Variants in PCDHGA3 observed in about 807,000 individuals in gnomAD.
PCDHGA3 encodes the protein protocadherin gamma subfamily A, 3.
Under a neutral mutation model 58.5 loss-of-function variants are expected in PCDHGA3, and 40 were observed. That is an observed-to-expected ratio of 0.68 (90% CI 0.53 to 0.89). PCDHGA3 has a LOEUF of 0.89. PCDHGA3 is among the 40% of genes least tolerant of loss of function. PCDHGA3 has a pLI of 0.00. For synonymous variants in PCDHGA3, 530 were observed against 525.7 expected (o/e 1.01, Z -0.11); for missense variants, 1,223 against 1,195.9 (o/e 1.02, Z -0.33).
intron 1 of PCDHGA3, chr5:141,423,314 T>C: frequency 6.2e-7 from 1 of 1,614,178 alleles, no homozygotes; most frequent in Non-Finnish European, 8.5e-7. Context: ...TACTTGGTGG[T>C]GGCGGTGGCC....
chr5:141,388,040 G>T (rs1561617548), intron 1 of PCDHGA3: 1 of 1,412,752 alleles, frequency 7.1e-7, no homozygotes, highest in East Asian at 2.5e-5. Context: ...ACCTCGCCAC[G>T]GACCTGGGGT....
At chr5:141,384,283 G>T (rs762515266) in intron 1 of PCDHGA3, 17 of 1,613,644 alleles carry the variant, frequency 1.1e-5, no homozygotes, top group Admixed American at 1.7e-5. Flanking sequence ...AGTCTACATC[G>T]CTGAGAACAA....
chr5:141,491,763 T>C lies in PCDHGA3; in HGVS notation c.2425-3044T>C. 1 of 1,570,222 alleles carries C rather than the reference T, an allele frequency of 6.4e-7. No homozygotes were observed. Among genetic ancestry groups the C allele is most frequent in the Non-Finnish European group, 8.6e-7 (1 of 1,159,286 alleles). Reference sequence around the variant, plus strand: ...GCGGCACTGGAGAAGCCGCCCGTCCTCATAAGGGATTGAACTTGCATCCAC... The same window carrying C: ...GCGGCACTGGAGAAGCCGCCCGTCCCCATAAGGGATTGAACTTGCATCCAC... On this transcript the variant is annotated intron_variant, in intron 1 of 3. Coordinates refer to ENST00000253812, the MANE Select transcript of PCDHGA3 (RefSeq NM_018916.4). The surrounding 1 kb of genome is among the most constrained non-coding windows in gnomAD (Gnocchi z 6.9).
intron 1 of PCDHGA3, chr5:141,400,483 C>G (rs748464990): frequency 1.4e-5 from 22 of 1,613,902 alleles, no homozygotes; most frequent in Non-Finnish European, 1.7e-5. Context: ...GGCCTTATTT[C>G]CACTTTGTAA....
At position 141,477,498 on chromosome 5, in the gene PCDHGA3, C is replaced by T. The variant is rs754212608; in HGVS notation, c.2425-17309C>T. ...AACCCTCCACAATCTTCTCAATCTT[C>T]CTACGACGTTTACATTGAAGAAAAC... On this transcript the variant is annotated intron_variant, in intron 1 of 3. Coordinates refer to ENST00000253812, the MANE Select transcript of PCDHGA3 (RefSeq NM_018916.4). The surrounding 1 kb of genome is among the most constrained non-coding windows in gnomAD (Gnocchi z 4.9). 3.7e-6 allele frequency: 6 copies of T among 1,614,038 alleles called. No individual in the cohort carries two copies. The highest frequency in any genetic ancestry group is 5.1e-6 in the Non-Finnish European group (6 of 1,180,038).
intron 1 of PCDHGA3, chr5:141,355,849 G>A (rs375626682): frequency 1.2e-6 from 2 of 1,612,420 alleles, no homozygotes; most frequent in East Asian, 4.5e-5. Context: ...GGCCTTCGAT[G>A]GAGGTGACCC....
intron 1 of PCDHGA3, chr5:141,399,856 G>T: frequency 6.2e-7 from 1 of 1,612,894 alleles, no homozygotes; most frequent in South Asian, 1.1e-5. Context: ...GGTGCCGCGC[G>T]CTGCAGAGCC....
intron 1 of PCDHGA3, chr5:141,413,400 G>T: frequency 6.2e-7 from 1 of 1,614,060 alleles, no homozygotes. Context: ...CCAGAGGTAG[G>T]ACGCAGCTTT....
At chr5:141,358,383 C>T (rs1020680393) in intron 1 of PCDHGA3, among the ~76,000 whole-genome samples, 2 of 152,124 alleles carry the variant, frequency 1.3e-5, no homozygotes, top group Admixed American at 6.5e-5. Flanking sequence ...CTCTACCATG[C>T]TTTGCTTGAA....
At chr5:141,375,059 G>T in intron 1 of PCDHGA3, 3 of 1,614,038 alleles carry the variant, frequency 1.9e-6, no homozygotes, top group Non-Finnish European at 1.7e-6. Flanking sequence ...GGATGGGCCA[G>T]GTCTTCGAGA....
intron 1 of PCDHGA3, chr5:141,395,104 G>A (rs1420682544): frequency 1.9e-6 from 3 of 1,614,028 alleles, no homozygotes; most frequent in Admixed American, 3.3e-5. Flanking sequence ...GCCGACTCGC[G>A]GAAGAGTCAC....
At chr5:141,454,970 G>A (rs2098808431) in intron 1 of PCDHGA3, among the ~76,000 whole-genome samples, 2 of 151,444 alleles carry the variant, frequency 1.3e-5, no homozygotes, top group African/African-American at 4.9e-5. Context: ...ACCACGCCTG[G>A]CTAATTTTTT....
chr5:141,441,923 C>A, intron 1 of PCDHGA3: 2 of 351,136 alleles, frequency 5.7e-6, no homozygotes, highest in Non-Finnish European at 5.5e-6. Context: ...AGACACAATG[C>A]GTGGCTGTCC....
chr5:141,399,263 A>G, intron 1 of PCDHGA3: 9 of 1,613,918 alleles, frequency 5.6e-6, no homozygotes, highest in Non-Finnish European at 7.6e-6. Context: ...GGGGAGGTTA[A>G]TTGTCAATTA....
chr5:141,427,726 T>G (rs2097061742), intron 1 of PCDHGA3: 1 of 1,155,034 alleles, frequency 8.7e-7, no homozygotes, highest in Non-Finnish European at 1.3e-6. Context: ...GACCTAGGGC[T>G]GAATGGCCAA....
intron 1 of PCDHGA3, chr5:141,378,580 C>T (rs999014628): frequency 2.6e-5 from 4 of 152,056 alleles, no homozygotes; most frequent in Non-Finnish European, 5.9e-5. Flanking sequence ...AAAACATGCT[C>T]GGTAGTGTCT....
intron 1 of PCDHGA3, chr5:141,426,748 C>T: frequency 2.2e-6 from 1 of 455,172 alleles, no homozygotes; most frequent in African/African-American, 2.0e-5. Context: ...GGCCTGGAAT[C>T]TGCTATAGAT....
intron 1 of PCDHGA3, among the ~76,000 whole-genome samples, chr5:141,363,702 G>T (rs185509758): frequency 3.9e-5 from 6 of 152,286 alleles, no homozygotes; most frequent in African/African-American, 1.4e-4. Context: ...AAATCAGTAG[G>T]CCTGTTTGGA....
At chr5:141,366,088 C>G (rs752144187) in intron 1 of PCDHGA3, 2 of 1,614,256 alleles carry the variant, frequency 1.2e-6, no homozygotes, top group South Asian at 2.2e-5. Context: ...AACCTGGCTA[C>G]CTGGTGACCA....
Sources: gnomAD v4.1 joint callset for allele counts (sites outside exome capture counted in the v4.1 genomes callset) on GRCh38, gnomAD v4.1.1 for gene constraint, Gnocchi (gnomAD v3.1) non-coding constraint, MANE v1.5 for transcripts, NCBI Gene and HGNC (gene_info 2026-07-23, HGNC 2026-07-21) for gene names.